FYN: variants seen among roughly 807,000 people sequenced by gnomAD.
The protein encoded by FYN is tyrosine-protein kinase Fyn.
In FYN, 10 loss-of-function variants were observed where a neutral mutation model predicts 70.2. The ratio of observed to expected loss-of-function variants is 0.14; its 90% CI spans 0.09 to 0.24. The LOEUF (loss-of-function observed/expected upper bound fraction) is 0.24. FYN is among the 10% of genes least tolerant of loss of function. FYN has a pLI of 1.00. For missense variants in FYN, 319 were observed against 673.1 expected (o/e 0.47, Z 5.82); for synonymous variants, 236 against 248.6 (o/e 0.95, Z 0.48).
chr6:111,784,039 A>G (rs920346010), intron 2 of FYN, among the ~76,000 whole-genome samples: 3 of 152,182 alleles, frequency 2.0e-5, no homozygotes, highest in African/African-American at 7.2e-5. Flanking sequence ...AGCCAATGAG[A>G]TGTGAAGAAT....
chr6:111,847,630 A>G (rs1403982440), intron 1 of FYN, among the ~76,000 whole-genome samples: 1 of 152,120 alleles, frequency 6.6e-6, no homozygotes, highest in Non-Finnish European at 1.5e-5. Flanking sequence ...CACCCCCATG[A>G]TAAGTTATTA....
intron 2 of FYN, among the ~76,000 whole-genome samples, chr6:111,797,665 C>CATATATATATATATATAT (rs57984132): frequency 1.1e-5 from 1 of 90,846 alleles, no homozygotes; most frequent in Non-Finnish European, 2.6e-5. Flanking sequence ...ATCAAAGTTT[C>CATATATATATATATATAT]ATATATATAT....
At chr6:111,688,344 C>T (rs887679429) in intron 12 of FYN, among the ~76,000 whole-genome samples, 69 of 152,292 alleles carry the variant, frequency 4.5e-4, no homozygotes, top group African/African-American at 1.6e-3. Flanking sequence ...ATGCAATAAA[C>T]AACCCTTTCT....
chr6:111,864,045 G>A (rs1303062798), intron 1 of FYN, among the ~76,000 whole-genome samples: 3 of 152,130 alleles, frequency 2.0e-5, no homozygotes, highest in Admixed American at 2.0e-4. Context: ...ATGAGGCCTG[G>A]GGATATGCAT....
intron 4 of FYN, among the ~76,000 whole-genome samples, chr6:111,716,845 CATA>C (rs1800670998): frequency 6.7e-6 from 1 of 148,640 alleles, no homozygotes; most frequent in Non-Finnish European, 1.5e-5. Context: ...AGTGCAGTGG[CATA>C]ATCTCAGCTC....
At chr6:111,708,323 T>C in intron 5 of FYN, 1 of 315,664 alleles carries the variant, frequency 3.2e-6, no homozygotes, top group East Asian at 6.2e-5. Flanking sequence ...GTCCTTAACT[T>C]GGATGGATGG....
intron 2 of FYN, among the ~76,000 whole-genome samples, chr6:111,800,333 C>T (rs939237535): frequency 1.3e-5 from 2 of 152,070 alleles, no homozygotes; most frequent in Admixed American, 6.5e-5. Flanking sequence ...AGGCACAGGT[C>T]TCAGCACAGG....
At chr6:111,692,115 T>G (rs1165483655) in intron 12 of FYN, among the ~76,000 whole-genome samples, 1 of 136,790 alleles carries the variant, frequency 7.3e-6, no homozygotes, top group Non-Finnish European at 1.6e-5. Flanking sequence ...CCCCCCCCAG[T>G]TCAGCTCTCC....
At chr6:111,704,158 A>G in intron 6 of FYN, 56 bp from the exon 7 acceptor site, 1 of 1,455,544 alleles carries the variant, frequency 6.9e-7, no homozygotes, top group Admixed American at 1.7e-5. Flanking sequence ...ACAAAATGCA[A>G]CAGCATAGGC....
intron 3 of FYN, among the ~76,000 whole-genome samples, chr6:111,764,208 T>A (rs1803119210): frequency 2.6e-5 from 1 of 38,238 alleles, no homozygotes; most frequent in Non-Finnish European, 4.0e-5. Flanking sequence ...TCACTGGATT[T>A]TGTCAAGCAA....
At chr6:111,752,828 C>T (rs771647347) in intron 3 of FYN, among the ~76,000 whole-genome samples, 21 of 152,146 alleles carry the variant, frequency 1.4e-4, no homozygotes, top group Non-Finnish European at 2.2e-4. Flanking sequence ...TTTTAGCAGT[C>T]CAGTTCAGTG....
intron 3 of FYN, among the ~76,000 whole-genome samples, chr6:111,729,155 T>C (rs769894547): frequency 1.3e-5 from 2 of 152,058 alleles, no homozygotes; most frequent in African/African-American, 2.4e-5. Flanking sequence ...GTAAACCAAT[T>C]TGGCAATATA....
intron 3 of FYN, among the ~76,000 whole-genome samples, chr6:111,726,923 G>A (rs1801216762): frequency 6.6e-6 from 1 of 152,220 alleles, no homozygotes; most frequent in African/African-American, 2.4e-5. Context: ...CCGTCCTGCC[G>A]CCCTGTGAAG....
intron 3 of FYN, among the ~76,000 whole-genome samples, chr6:111,764,228 A>AAAAAAAAAAAAAAAAAG (rs530424442): frequency 7.4e-6 from 1 of 134,840 alleles, no homozygotes; most frequent in African/African-American, 3.2e-5. Context: ...AAAAAAAAAA[A>AAAAAAAAAAAAAAAAAG]AAAAGAAAAG....
chr6:111,836,365 C>G (rs1773185625), intron 2 of FYN, among the ~76,000 whole-genome samples: 1 of 152,152 alleles, frequency 6.6e-6, no homozygotes, highest in Non-Finnish European at 1.5e-5. Context: ...TGATGGTTGC[C>G]TAATATTTAC....
chr6:111,837,809 C>T (rs189657740), intron 2 of FYN, among the ~76,000 whole-genome samples: 432 of 151,302 alleles, frequency 2.9e-3, no homozygotes, highest in South Asian at 7.3e-3. Context: ...TTCCACCACA[C>T]GACGCTGCCT....
chr6:111,668,953 G>T (rs144579053), intron 13 of FYN, among the ~76,000 whole-genome samples: 1 of 152,106 alleles, frequency 6.6e-6, no homozygotes, highest in African/African-American at 2.4e-5. Flanking sequence ...ATGTATCTAC[G>T]GTTCAGGGCT....
intron 13 of FYN, among the ~76,000 whole-genome samples, chr6:111,671,883 C>T (rs1436836650): frequency 1.3e-5 from 2 of 152,146 alleles, no homozygotes; most frequent in Non-Finnish European, 2.9e-5. Context: ...AAGCTTCTCC[C>T]TCAAGAAGAG....
At chr6:111,779,611 G>A (rs966390156) in intron 3 of FYN, among the ~76,000 whole-genome samples, 1 of 152,164 alleles carries the variant, frequency 6.6e-6, no homozygotes, top group Admixed American at 6.5e-5. Context: ...GGGTCACCAG[G>A]GTTGGAGAAG....
Sources: gnomAD v4.1 joint callset for allele counts (sites outside exome capture counted in the v4.1 genomes callset) on GRCh38, gnomAD v4.1.1 for gene constraint, MANE v1.5 for transcripts, NCBI Gene and HGNC (gene_info 2026-07-23, HGNC 2026-07-21) for gene names.